The following SPATA13 variants were observed in gnomAD, a reference collection of about 807,000 sequenced individuals.
The protein encoded by SPATA13 is spermatogenesis-associated protein 13.
A neutral mutation model predicts 104.0 loss-of-function variants in SPATA13; 50 were observed. The observed-to-expected ratio is 0.48, with a 90% CI of 0.38 to 0.61. SPATA13 has a LOEUF of 0.61. Among genes scored for constraint, SPATA13 ranks in the 20% least tolerant of loss-of-function variants. The pLI is 0.00. For synonymous variants in SPATA13, 606 were observed against 667.5 expected (o/e 0.91, Z 1.42); for missense variants, 1,524 against 1,690.6 (o/e 0.90, Z 1.73).
chr13:24,284,300 A>G (rs1206807444), intron 5 of SPATA13, 29 bp downstream of exon 5: 16 of 1,595,990 alleles, frequency 1.0e-5, no homozygotes, highest in Non-Finnish European at 1.4e-5. Flanking sequence ...ACAGTAGTGG[A>G]TACGGGATAC....
chr13:24,269,357 CATGTATGTATGTATGT>C (rs1470146797), intron 4 of SPATA13, among the ~76,000 whole-genome samples: 2 of 146,464 alleles, frequency 1.4e-5, no homozygotes, highest in East Asian at 4.0e-4. Flanking sequence ...ACTTGTTTAA[CATGTATGTATGTATGT>C]GTGTATGTAT....
chr13:24,289,019 C>G lies in SPATA13; in HGVS notation c.2688C>G (p.Arg896=). The G allele has an allele frequency of 6.2e-7, 1 of 1,609,610 alleles. No homozygotes were observed. The highest frequency in any genetic ancestry group is 8.5e-7 in the Non-Finnish European group (1 of 1,178,786). Residue 896 remains arginine (R), a synonymous_variant, in exon 8 of 13, where the codon CGC becomes CGG. Coordinates refer to ENST00000382108, the MANE Select transcript of SPATA13 (RefSeq NM_001166271.3). ...DICEGYIRQC[R]KHTGMFTVAQ... is the part of the protein sequence containing the mutation. ...TGCAGGGCTATATCCGACAGTGCCG[C>G]AAGCACACAGGAATGTTCACCGTTG...
intron 3 of SPATA13, among the ~76,000 whole-genome samples, chr13:24,097,520 C>T (rs1880121593): frequency 1.3e-5 from 2 of 151,918 alleles, no homozygotes; most frequent in African/African-American, 4.8e-5. Flanking sequence ...ACTGCAGCAA[C>T]CACACAGCCT....
At chr13:24,266,617 AC>A (rs1229705194) in intron 4 of SPATA13, among the ~76,000 whole-genome samples, 1 of 152,030 alleles carries the variant, frequency 6.6e-6, no homozygotes, top group Non-Finnish European at 1.5e-5. Flanking sequence ...TGATTTCTCA[AC>A]ATTTAATATT....
chr13:24,259,187 G>T (rs1873939012), intron 4 of SPATA13, among the ~76,000 whole-genome samples: 1 of 152,210 alleles, frequency 6.6e-6, no homozygotes, highest in Admixed American at 6.5e-5. Context: ...AAGAGAACGG[G>T]GAAGACCACA....
chr13:24,240,018 C>T (rs570653100), intron 2 of SPATA13, among the ~76,000 whole-genome samples: 28 of 151,866 alleles, frequency 1.8e-4, no homozygotes, highest in Admixed American at 1.8e-3. Context: ...AAAATTGCAA[C>T]CTACGACCGG....
At position 24,198,217 on chromosome 13, in the gene SPATA13, A is replaced by T. The variant is rs868624961; in HGVS notation, c.-111-24602A>T. On this transcript the variant is annotated intron_variant, in intron 1 of 12. Transcript: ENST00000382108. Reference sequence around the variant, plus strand: ...ACTGTGTTGGCCAGGCTGGTCTTGAACTCCTGACCTTGTGATCTGCCCCCC... The same window carrying T: ...ACTGTGTTGGCCAGGCTGGTCTTGATCTCCTGACCTTGTGATCTGCCCCCC... 5.3e-5 allele frequency among the ~76,000 whole-genome samples: 8 copies of T among 151,234 alleles called. No homozygotes were observed. The East Asian group carries it at 5.8e-4, about 11-fold the overall frequency.
intron 1 of SPATA13, among the ~76,000 whole-genome samples, chr13:24,197,293 T>A (rs1415273089): frequency 6.6e-6 from 1 of 152,218 alleles, no homozygotes; most frequent in Non-Finnish European, 1.5e-5. Flanking sequence ...GAAGAAATTG[T>A]AAAGCTGGAA....
At chr13:24,041,296 G>A (rs932699726) in intron 3 of SPATA13, among the ~76,000 whole-genome samples, 11 of 152,186 alleles carry the variant, frequency 7.2e-5, no homozygotes, top group Admixed American at 2.0e-4. Flanking sequence ...AACAAAGGAC[G>A]TTTCAACCTG....
At chr13:24,003,513 A>G (rs9551038) in intron 2 of SPATA13, among the ~76,000 whole-genome samples, 23,940 of 152,214 alleles carry the variant, frequency 0.16, 2,559 homozygotes, top group East Asian at 0.51. Flanking sequence ...GAAGCATGTA[A>G]AGGCTTTAAG....
At chr13:24,238,285 C>A (rs1364847794) in intron 2 of SPATA13, among the ~76,000 whole-genome samples, 1 of 151,754 alleles carries the variant, frequency 6.6e-6, no homozygotes, top group Admixed American at 6.6e-5. Context: ...GCCTCTCAAG[C>A]AGCTGGGATT....
At chr13:24,122,148 C>G (rs1881050058) in intron 3 of SPATA13, 1 of 1,610,416 alleles carries the variant, frequency 6.2e-7, no homozygotes, top group Non-Finnish European at 8.5e-7. Flanking sequence ...CCATGCTTCT[C>G]AATCATTTTG....
intron 1 of SPATA13, among the ~76,000 whole-genome samples, chr13:24,184,183 G>A (rs1373267138): frequency 1.3e-5 from 2 of 152,154 alleles, no homozygotes; most frequent in South Asian, 2.1e-4. Context: ...TGGTGCTGGC[G>A]CTTGCTGAGA....
At chr13:24,294,247 A>G (rs1424381184) in intron 9 of SPATA13, among the ~76,000 whole-genome samples, 1 of 152,174 alleles carries the variant, frequency 6.6e-6, no homozygotes, top group East Asian at 1.9e-4. Context: ...CATTTCCGTA[A>G]CTCACCACTT....
chr13:24,281,269 T>G (rs1370307181), intron 4 of SPATA13, among the ~76,000 whole-genome samples: 1 of 152,244 alleles, frequency 6.6e-6, no homozygotes, highest in Non-Finnish European at 1.5e-5. Context: ...CTTGGTCTCT[T>G]AGACAGCTCA....
intron 3 of SPATA13, among the ~76,000 whole-genome samples, chr13:24,117,917 A>G (rs943160339): frequency 1.3e-5 from 2 of 152,230 alleles, no homozygotes; most frequent in African/African-American, 2.4e-5. Context: ...TATAAAAACC[A>G]CACATCATCA....
intron 2 of SPATA13, among the ~76,000 whole-genome samples, chr13:23,997,258 G>T (rs1408095530): frequency 6.6e-6 from 1 of 152,100 alleles, no homozygotes; most frequent in East Asian, 1.9e-4. Flanking sequence ...GTACACTGTG[G>T]TACATATGTG....
rs531344060 is a variant in SPATA13, at chr13:24,248,226, C to T, written c.1654-1251C>T. Among the ~76,000 whole-genome samples, 59 of 152,214 alleles carry T rather than the reference C, an allele frequency of 3.9e-4. 1 individual carries two copies. Among genetic ancestry groups the T allele is most frequent in the Non-Finnish European group, 7.1e-4 (48 of 68,048 alleles). On this transcript the variant is annotated intron_variant, in intron 2 of 12. Coordinates refer to ENST00000382108, the MANE Select transcript of SPATA13 (RefSeq NM_001166271.3). The stretch of plus-strand genomic sequence containing the variant: ...GCCTGATCCCTGGGAATGGTTACTC[C>T]ATGGCCCAGCTTTTTCAGAGCAGCA...
At chr13:24,146,847 C>T (rs182122953) in intron 3 of SPATA13, among the ~76,000 whole-genome samples, 8 of 152,256 alleles carry the variant, frequency 5.3e-5, no homozygotes, top group South Asian at 2.1e-4. Context: ...TCTTTACCAC[C>T]GCATCCGTCC....
Sources: allele counts gnomAD v4.1 joint callset (sites outside exome capture counted in the v4.1 genomes callset), GRCh38; gene constraint gnomAD v4.1.1; transcripts MANE v1.5; gene names NCBI Gene and HGNC (gene_info 2026-07-23, HGNC 2026-07-21).